Variants in IRAG2 observed in about 807,000 individuals in gnomAD.
The protein encoded by IRAG2 is lymphoid restricted membrane protein.
IRAG2 carries 45 observed loss-of-function variants against 69.9 expected under a neutral mutation model. That is an observed-to-expected ratio of 0.64 (90% CI 0.51 to 0.83). IRAG2 has a LOEUF of 0.83. Among genes scored for constraint, IRAG2 ranks in the 40% least tolerant of loss-of-function variants. The probability of loss-of-function intolerance (pLI) is 0.00; values close to 1 mark genes in which losing one functional copy is unlikely to be tolerated. For synonymous variants in IRAG2, 193 were observed against 202.4 expected (o/e 0.95, Z 0.40); for missense variants, 520 against 587.0 (o/e 0.89, Z 1.18).
chr12:25,024,294 C>T (rs1224248151), intron 8 of IRAG2, among the ~76,000 whole-genome samples: 1 of 152,092 alleles, frequency 6.6e-6, no homozygotes, highest in African/African-American at 2.4e-5. Context: ...CTTAAATTCA[C>T]TGAAAAAAGG....
intron 1 of IRAG2, among the ~76,000 whole-genome samples, chr12:25,059,795 T>TTTTA (rs1366756514): frequency 2.4e-4 from 37 of 152,302 alleles, no homozygotes; most frequent in Admixed American, 4.6e-4. Context: ...CAAAAAAAAG[T>TTTTA]CCTATAAAAT....
intron 15 of IRAG2, chr12:25,036,836 A>G (rs535314221): frequency 2.5e-6 from 1 of 394,362 alleles, no homozygotes; most frequent in South Asian, 1.4e-4. Flanking sequence ...CCAGGGGTGT[A>G]TATGAGTGTG....
At chr12:25,072,823 G>C (rs957820874) in intron 6 of IRAG2, among the ~76,000 whole-genome samples, 1 of 152,170 alleles carries the variant, frequency 6.6e-6, no homozygotes, top group Non-Finnish European at 1.5e-5. Context: ...CTGTACGTCA[G>C]CCAAACCAGG....
chr12:25,080,681 G>A (rs1045753751), intron 9 of IRAG2, among the ~76,000 whole-genome samples: 14 of 152,048 alleles, frequency 9.2e-5, no homozygotes, highest in Admixed American at 3.3e-4. Flanking sequence ...GTTTTAACTC[G>A]ACGTTTAAGT....
rs1290984628 is a variant in IRAG2, at chr12:25,108,033, C to G, written c.1473C>G (p.Leu491=). Residue 491 remains leucine, a synonymous_variant, in exon 22 of 22, where the codon CTC becomes CTG. Coordinates refer to ENST00000556887, the MANE Select transcript of IRAG2 (RefSeq NM_001366544.2). The stretch of plus-strand genomic sequence containing the variant: ...ATATCTTGTGGCCATTTACCAGACT[C>G]CGACACAATGGGCCACCACCAGTGT... ...LEHILWPFTR[L]RHNGPPPV is the part of the protein sequence containing the mutation. The G allele has an allele frequency of 3.1e-6, 5 of 1,614,008 alleles. No individual in the cohort carries two copies. Among genetic ancestry groups the G allele is most frequent in the Non-Finnish European group, 4.2e-6 (5 of 1,179,986 alleles).
At chr12:25,092,164 C>T (rs924639522) in intron 14 of IRAG2, among the ~76,000 whole-genome samples, 15 of 151,384 alleles carry the variant, frequency 9.9e-5, no homozygotes, top group Admixed American at 2.0e-4. Context: ...ACTTGGGAGG[C>T]TGAGGCAGGC....
At chr12:25,036,636 G>A in exon 15 of IRAG2, 1 of 398,900 alleles carries the variant, frequency 2.5e-6, no homozygotes, top group African/African-American at 2.1e-5. Context: ...TCGACGGTGG[G>A]TAACTAATCC....
chr12:25,015,118 A>AAAT, intron 3 of IRAG2: 1 of 450,242 alleles, frequency 2.2e-6, no homozygotes, highest in Non-Finnish European at 3.1e-6. Flanking sequence ...AAAAAGACAA[A>AAAT]ACTTGGTCAG....
At chr12:25,015,745 T>C (rs991066769) in intron 5 of IRAG2, among the ~76,000 whole-genome samples, 3 of 152,254 alleles carry the variant, frequency 2.0e-5, no homozygotes, top group African/African-American at 7.2e-5. Context: ...GACCTTACAC[T>C]CTTTTGGAAA....
chr12:25,051,002 G>C (rs985405794), upstream of IRAG2, among the ~76,000 whole-genome samples: 1 of 152,158 alleles, frequency 6.6e-6, no homozygotes, highest in African/African-American at 2.4e-5. Flanking sequence ...TACTCAATAG[G>C]TATAAAGTTT....
chr12:25,041,671 T>G (rs1015687202), intron 16 of IRAG2, among the ~76,000 whole-genome samples: 1 of 99,766 alleles, frequency 1.0e-5, no homozygotes, highest in African/African-American at 3.3e-5. Context: ...TGTTTTTTTT[T>G]GTTTTTTTTT....
chr12:25,068,637 C>T (rs758342861), intron 5 of IRAG2, among the ~76,000 whole-genome samples: 7 of 152,034 alleles, frequency 4.6e-5, no homozygotes, highest in Admixed American at 2.0e-4. Flanking sequence ...CAAGAGATAC[C>T]GCGTTAGAAC....
Position 25,057,456 on chromosome 12 carries a change from G to A in IRAG2, c.-446-4136G>A, listed in dbSNP as rs191422730. ...AAATTTTTTGTAGAGGTAGGATCTT[G>A]CAGTGTTGCCTAGGCTGGTCTCAAA... On this transcript the variant is annotated intron_variant, in intron 1 of 21. Transcript: ENST00000556887. Among the ~76,000 whole-genome samples the A allele has an allele frequency of 5.8e-4, 88 of 151,632 alleles. 2 individuals carry two copies. Among genetic ancestry groups the A allele is most frequent in the African/African-American group, 2.1e-3 (85 of 41,362 alleles).
In IRAG2 at chr12:25,007,917, A is replaced by G. The variant is rs905803699; in HGVS notation, c.688+2563A>G. Among the ~76,000 whole-genome samples, 32 of 152,346 alleles carry G rather than the reference A, an allele frequency of 2.1e-4. 1 individual carries two copies. The highest frequency in any genetic ancestry group is 7.7e-4 in the African/African-American group (32 of 41,578). On this transcript the variant is annotated intron_variant, in intron 2 of 38. Transcript: ENST00000636465. ...TTCTCTGTCTCCTATGTTTAGAAAT[A>G]TGATCAGATAAAAGTTTGAGGGTTT... is the stretch of plus-strand genomic sequence containing the variant.
At chr12:25,079,128 G>A (rs1345514823) in intron 6 of IRAG2, 116 bp from the exon 7 acceptor site, 2 of 992,692 alleles carry the variant, frequency 2.0e-6, no homozygotes, top group Non-Finnish European at 3.2e-6. Flanking sequence ...CTTTCCAAAA[G>A]AGCTGAGTAA....
chr12:25,005,103 T>C (rs1355019470), intron 1 of IRAG2: 3 of 488,664 alleles, frequency 6.1e-6, no homozygotes, highest in East Asian at 3.5e-5. Flanking sequence ...TACTTAGATA[T>C]AGGGGAATAT....
intron 6 of IRAG2, among the ~76,000 whole-genome samples, chr12:25,077,289 AT>A (rs1232452578): frequency 0.014 from 954 of 67,756 alleles, 325 homozygotes; most frequent in East Asian, 0.13. Context: ...TATATATGAT[AT>A]ATATATGAAA....
At chr12:25,078,325 G>A (rs904704520) in intron 6 of IRAG2, among the ~76,000 whole-genome samples, 2 of 152,134 alleles carry the variant, frequency 1.3e-5, no homozygotes, top group Non-Finnish European at 2.9e-5. Context: ...GTGACTATGG[G>A]AGATACTTTC....
intron 6 of IRAG2, among the ~76,000 whole-genome samples, chr12:25,018,304 G>A: frequency 6.7e-6 from 1 of 148,802 alleles, no homozygotes; most frequent in Non-Finnish European, 1.5e-5. Flanking sequence ...AGGCTCAAGT[G>A]ATCTTCTGGC....
Sources: allele counts gnomAD v4.1 joint callset (sites outside exome capture counted in the v4.1 genomes callset), GRCh38; gene constraint gnomAD v4.1.1; transcripts MANE v1.5; gene names NCBI Gene and HGNC (gene_info 2026-07-23, HGNC 2026-07-21).